Variants in PPP1R12B observed in about 807,000 individuals in gnomAD.
PPP1R12B encodes protein phosphatase 1 regulatory subunit 12B.
Under a neutral mutation model 126.1 loss-of-function variants are expected in PPP1R12B, and 76 were observed. The ratio of observed to expected loss-of-function variants is 0.60; its 90% CI spans 0.50 to 0.73. PPP1R12B has a LOEUF of 0.73. Ranked by LOEUF, PPP1R12B falls within the 30% of genes least tolerant of loss-of-function variation. The pLI, the probability that PPP1R12B is intolerant of heterozygous loss-of-function variation, is 0.00. For missense variants in PPP1R12B, 1,052 were observed against 1,205.1 expected, an observed-to-expected ratio of 0.87 and a Z score of 1.88; for synonymous variants, 356 against 434.7, an observed-to-expected ratio of 0.82 and a Z score of 2.25.
chr1:202,513,161 A>T (rs1338275531), intron 18 of PPP1R12B, among the ~76,000 whole-genome samples: 1 of 152,112 alleles, frequency 6.6e-6, no homozygotes, highest in Admixed American at 6.5e-5. Context: ...TTTGGTAGAG[A>T]TGGTGTTTCA....
chr1:202,474,557 C>T (rs1474998787), intron 13 of PPP1R12B, among the ~76,000 whole-genome samples: 1 of 152,172 alleles, frequency 6.6e-6, no homozygotes, highest in Non-Finnish European at 1.5e-5. Flanking sequence ...GAATTATAGG[C>T]ATGAGCCACC....
rs1689948393 is a variant in PPP1R12B at position 202,588,346 on chromosome 1, T to C, written c.*7786T>C. 2 of 152,616 alleles carry C rather than the reference T, an allele frequency of 1.3e-5. No homozygotes were observed. The highest frequency in any genetic ancestry group is 2.4e-5 in the African/African-American group (1 of 41,442). The allele number at this position is 152,616 out of a possible 1,614,324, so 9.5% of individuals were successfully genotyped here. A position where few individuals can be genotyped will look rare whatever the true frequency, so the allele number is the denominator to read the frequency against. On this transcript the variant is annotated 3_prime_UTR_variant, in exon 24 of 24. Coordinates refer to ENST00000608999, the MANE Select transcript of PPP1R12B (RefSeq NM_002481.4). ...GGGATGGGGTGGGGTTGGGGTTGTT[T>C]AGGGAGAAGCAGCCAGACTTGCTTT... is the stretch of plus-strand genomic sequence containing the variant.
intron 1 of PPP1R12B, among the ~76,000 whole-genome samples, chr1:202,390,295 T>G (rs1224762289): frequency 6.6e-6 from 1 of 152,150 alleles, no homozygotes; most frequent in Non-Finnish European, 1.5e-5. Context: ...AAGACCTAAA[T>G]GTAAAAGCTA....
At chr1:202,569,800 T>C (rs1688420673) in intron 23 of PPP1R12B, among the ~76,000 whole-genome samples, 2 of 152,318 alleles carry the variant, frequency 1.3e-5, no homozygotes, top group African/African-American at 4.8e-5. Flanking sequence ...ACTACTTTCC[T>C]TTCTCTCCTC....
At chr1:202,377,160 T>C (rs1274182291) in intron 1 of PPP1R12B, among the ~76,000 whole-genome samples, 2 of 152,102 alleles carry the variant, frequency 1.3e-5, no homozygotes, top group Admixed American at 6.6e-5. Flanking sequence ...GGGATAATTA[T>C]GGAATGAATA....
chr1:202,477,818 G>A (rs1288193119), intron 13 of PPP1R12B, among the ~76,000 whole-genome samples: 3 of 152,184 alleles, frequency 2.0e-5, no homozygotes, highest in Admixed American at 6.5e-5. Flanking sequence ...GCCACTGATG[G>A]TGTAATCTCA....
chr1:202,564,556 G>T lies in PPP1R12B; in HGVS notation c.2757+9G>T, dbSNP rs201564202. Reference sequence around the variant, plus strand: ...TTGAGAAGGTGGCCCAGGTAAGACGGAAGAAGAAGAAAAAAGATGAGAACC... The same window carrying T: ...TTGAGAAGGTGGCCCAGGTAAGACGTAAGAAGAAGAAAAAAGATGAGAACC... On this transcript the variant is annotated intron_variant, in intron 21 of 23. Transcript: ENST00000608999. 296 of 1,587,722 alleles carry T rather than the reference G, an allele frequency of 1.9e-4. 1 individual carries two copies. The Middle Eastern group carries it at 3.5e-3, about 19-fold the overall frequency.
intron 1 of PPP1R12B, among the ~76,000 whole-genome samples, chr1:202,369,227 T>C (rs1659802787): frequency 6.6e-6 from 1 of 152,198 alleles, no homozygotes; most frequent in South Asian, 2.1e-4. Context: ...TAAATCTAAA[T>C]ATAAAGCCAA....
intron 18 of PPP1R12B, among the ~76,000 whole-genome samples, chr1:202,517,420 G>A (rs903933951): frequency 1.3e-5 from 2 of 152,128 alleles, no homozygotes; most frequent in African/African-American, 4.8e-5. Context: ...ATGTATTTAC[G>A]TTAGTTCCTT....
chr1:202,578,021 G>A (rs540189163), intron 23 of PPP1R12B, among the ~76,000 whole-genome samples: 1 of 152,320 alleles, frequency 6.6e-6, no homozygotes, highest in African/African-American at 2.4e-5. Flanking sequence ...AGATAACACT[G>A]TTCATTTCCC....
At chr1:202,372,543 G>A (rs1198575900) in intron 1 of PPP1R12B, among the ~76,000 whole-genome samples, 1 of 151,792 alleles carries the variant, frequency 6.6e-6, no homozygotes, top group East Asian at 1.9e-4. Context: ...TGGACAAGGT[G>A]GCTCACACCT....
At chr1:202,380,483 C>T (rs1336489495) in intron 1 of PPP1R12B, among the ~76,000 whole-genome samples, 2 of 152,088 alleles carry the variant, frequency 1.3e-5, no homozygotes. Context: ...TTTCTGTGAA[C>T]ATGATTTGAA....
At chr1:202,359,050 C>G (rs570028125) in intron 1 of PPP1R12B, among the ~76,000 whole-genome samples, 8 of 152,194 alleles carry the variant, frequency 5.3e-5, no homozygotes, top group African/African-American at 1.9e-4. Context: ...AATGAATTCT[C>G]AAAAGTGATC....
Position 202,428,842 on chromosome 1 carries a change from T to C in PPP1R12B, c.847-13T>C. The C allele has an allele frequency of 6.2e-7, 1 of 1,603,026 alleles. No individual in the cohort carries two copies. Among genetic ancestry groups the C allele is most frequent in the Admixed American group, 1.7e-5 (1 of 57,868 alleles). On this transcript the variant is annotated splice_polypyrimidine_tract_variant and intron_variant, in intron 5 of 23. Coordinates refer to ENST00000608999, the MANE Select transcript of PPP1R12B (RefSeq NM_002481.4). The stretch of plus-strand genomic sequence containing the variant: ...TGTTTTCTATCAGTCATGGTGCTCC[T>C]TTTCTCTGCCAGGGCCAGACACCAT...
At chr1:202,478,726 G>A (rs1460353131) in intron 13 of PPP1R12B, among the ~76,000 whole-genome samples, 4 of 151,924 alleles carry the variant, frequency 2.6e-5, no homozygotes, top group Non-Finnish European at 4.4e-5. Context: ...GTTGATTTTT[G>A]TTTTCATATT....
intron 18 of PPP1R12B, among the ~76,000 whole-genome samples, chr1:202,546,033 G>A (rs1193672414): frequency 6.6e-6 from 1 of 152,208 alleles, no homozygotes; most frequent in Non-Finnish European, 1.5e-5. Flanking sequence ...GCTCAGAATT[G>A]CATATTAGAG....
chr1:202,445,928 A>G (rs1672172191), intron 12 of PPP1R12B, among the ~76,000 whole-genome samples: 1 of 152,074 alleles, frequency 6.6e-6, no homozygotes, highest in Non-Finnish European at 1.5e-5. Flanking sequence ...TCTACAACTG[A>G]TAAAGAAAAT....
intron 10 of PPP1R12B, chr1:202,438,274 GC>G: frequency 6.4e-7 from 1 of 1,573,140 alleles, no homozygotes; most frequent in Non-Finnish European, 8.6e-7. Context: ...AATCTTCCTT[GC>G]CCCCTTACCT....
intron 18 of PPP1R12B, among the ~76,000 whole-genome samples, chr1:202,510,433 AGT>A (rs2148892365): frequency 6.6e-6 from 1 of 152,298 alleles, no homozygotes; most frequent in East Asian, 1.9e-4. Flanking sequence ...GGTCTTCCAA[AGT>A]GTTTCTTAAC....
Sources: allele counts gnomAD v4.1 joint callset (sites outside exome capture counted in the v4.1 genomes callset), GRCh38; gene constraint gnomAD v4.1.1; transcripts MANE v1.5; gene names NCBI Gene and HGNC (gene_info 2026-07-23, HGNC 2026-07-21).